The following NME9 variants were observed in gnomAD, a reference collection of about 807,000 sequenced individuals.
The protein encoded by NME9 is NME/NM23 family member 9.
NME9 carries 48 observed loss-of-function variants against 44.4 expected under a neutral mutation model. That is an observed-to-expected ratio of 1.08 (90% confidence interval 0.86 to 1.37). The LOEUF is 1.37. NME9 is among the 40% of genes most tolerant of loss of function. NME9 has a pLI of 0.00. For synonymous variants in NME9, 139 were observed against 147.1 expected, an observed-to-expected ratio of 0.94 and a Z score of 0.40; for missense variants, 325 against 405.2, an observed-to-expected ratio of 0.80 and a Z score of 1.70.
chr3:138,274,672 G>T, intron 8 of NME9: 1 of 668,312 alleles, frequency 1.5e-6, no homozygotes. Flanking sequence ...CTAGAAATAG[G>T]AAGAAATATC....
At chr3:138,274,503 C>G in intron 8 of NME9, 2 of 1,613,304 alleles carry the variant, frequency 1.2e-6, no homozygotes, top group Non-Finnish European at 1.7e-6. Context: ...AGCCGTCACT[C>G]TTATTCTAGA....
chr3:138,263,656 G>A, intron 8 of NME9: 2 of 1,172,164 alleles, frequency 1.7e-6, no homozygotes, highest in Non-Finnish European at 1.3e-6. Context: ...ACTTTTAATG[G>A]ATGTTAACAT....
At chr3:138,320,701 A>T (rs2053411751) in intron 2 of NME9, among the ~76,000 whole-genome samples, 1 of 152,208 alleles carries the variant, frequency 6.6e-6, no homozygotes, top group East Asian at 1.9e-4. Flanking sequence ...CATTGTAGAG[A>T]GCCCAGGCTT....
chr3:138,275,197 C>T (rs997720569), intron 8 of NME9, among the ~76,000 whole-genome samples: 19 of 152,100 alleles, frequency 1.2e-4, no homozygotes, highest in Admixed American at 1.2e-3. Flanking sequence ...AACACAGGAC[C>T]AGAGATACTG....
intron 8 of NME9, among the ~76,000 whole-genome samples, chr3:138,264,710 G>A (rs1428025115): frequency 6.6e-6 from 1 of 151,762 alleles, no homozygotes; most frequent in East Asian, 1.9e-4. Context: ...GAGCCACTGC[G>A]CCCAGCCAGG....
chr3:138,300,524 G>A (rs764325986), downstream of NME9, among the ~76,000 whole-genome samples: 10 of 152,274 alleles, frequency 6.6e-5, no homozygotes, highest in African/African-American at 1.9e-4. Context: ...AAATAAAGTC[G>A]TTAGAGGGGG....
Position 138,329,806 on chromosome 3 carries a change from G to T in NME9, c.-471C>A. On this transcript the variant is annotated 5_prime_UTR_variant, in exon 1 of 11. Coordinates refer to ENST00000333911, the MANE Select transcript of NME9 (RefSeq NM_001349018.2). ...AGGTACAAGATCTTCGACGCGCCCG[G>T]AGTCACCAACCGAGTCTGCCGCGAC... 7 of 987,208 alleles carry T rather than the reference G, an allele frequency of 7.1e-6. No individual in the cohort carries two copies. Among genetic ancestry groups the T allele is most frequent in the Non-Finnish European group, 8.4e-6 (7 of 831,174 alleles). The allele number at this position is 987,208 out of a possible 1,614,324, so 61.2% of individuals were successfully genotyped here. A position where few individuals can be genotyped will look rare whatever the true frequency, so the allele number is the denominator to read the frequency against.
intron 6 of NME9, among the ~76,000 whole-genome samples, chr3:138,307,222 C>T (rs2052338149): frequency 6.6e-6 from 1 of 152,206 alleles, no homozygotes; most frequent in Admixed American, 6.5e-5. Flanking sequence ...ATTGACTGCC[C>T]TTGAATAAGC....
chr3:138,305,248 A>G (rs765570731), intron 8 of NME9, among the ~76,000 whole-genome samples: 14 of 152,112 alleles, frequency 9.2e-5, no homozygotes, highest in Non-Finnish European at 1.5e-4. Context: ...GACCTACCAC[A>G]CTCAGAACTC....
intron 8 of NME9, chr3:138,267,268 CTT>C (rs760808810): frequency 3.6e-6 from 5 of 1,383,106 alleles, no homozygotes; most frequent in Non-Finnish European, 5.0e-6. Context: ...TTTTCCTAGA[CTT>C]TGCCCAGTCC....
At chr3:138,277,138 G>A (rs181126505) in intron 8 of NME9, among the ~76,000 whole-genome samples, 10 of 152,274 alleles carry the variant, frequency 6.6e-5, no homozygotes, top group Admixed American at 6.5e-4. Context: ...TATATGGCCA[G>A]TAGATTATTG....
chr3:138,314,036 C>G (rs1436184203), intron 6 of NME9, among the ~76,000 whole-genome samples: 2 of 151,964 alleles, frequency 1.3e-5, no homozygotes, highest in Non-Finnish European at 2.9e-5. Context: ...TTGTACATTT[C>G]AAAATAGCTA....
intron 8 of NME9, chr3:138,273,176 T>C: frequency 6.7e-7 from 1 of 1,501,918 alleles, no homozygotes; most frequent in Non-Finnish European, 9.0e-7. Flanking sequence ...TGCAAGACAT[T>C]GCTCTCTCTC....
chr3:138,297,290 C>T (rs1250658221), downstream of NME9: 7 of 152,184 alleles, frequency 4.6e-5, no homozygotes, highest in East Asian at 1.3e-3. Flanking sequence ...TAGCTTGGCC[C>T]CTGCTCCAAC....
downstream of NME9, among the ~76,000 whole-genome samples, chr3:138,299,084 G>A (rs925723209): frequency 4.6e-5 from 7 of 152,322 alleles, no homozygotes; most frequent in African/African-American, 7.2e-5. Flanking sequence ...CTGACAGAAC[G>A]GTTCCAATTT....
intron 1 of NME9, among the ~76,000 whole-genome samples, 188 bp from the exon 2 acceptor site, chr3:138,325,118 C>T (rs1195001939): frequency 6.6e-6 from 1 of 152,172 alleles, no homozygotes; most frequent in East Asian, 1.9e-4. Context: ...AAAACACTAT[C>T]CTAAGAATGA....
intron 8 of NME9, chr3:138,267,004 CACA>C (rs2048346450): frequency 2.1e-6 from 1 of 481,970 alleles, no homozygotes; most frequent in Non-Finnish European, 3.6e-6. Flanking sequence ...AAAAGTTTGA[CACA>C]GTATCAAGTG....
chr3:138,329,627 G>T lies in NME9; in HGVS notation c.-292C>A. Reference sequence around the variant, plus strand: ...TCCCCACCCCGGAGCCGGCCAGGGGGCGCGCGCAGAGGCCGGAGTCAGTGC... The same window carrying T: ...TCCCCACCCCGGAGCCGGCCAGGGGTCGCGCGCAGAGGCCGGAGTCAGTGC... On this transcript the variant is annotated 5_prime_UTR_variant, in exon 1 of 11. Coordinates refer to ENST00000333911, the MANE Select transcript of NME9 (RefSeq NM_001349018.2). 1 of 1,290,974 alleles carries T rather than the reference G, an allele frequency of 7.7e-7. No individual in the cohort carries two copies. 80.0% of individuals were successfully genotyped at this position (1,290,974 alleles called of 1,614,324 possible). A position where few individuals can be genotyped will look rare whatever the true frequency, so the allele number is the denominator to read the frequency against.
chr3:138,311,544 A>C (rs1323919091), intron 6 of NME9, among the ~76,000 whole-genome samples: 1 of 152,206 alleles, frequency 6.6e-6, no homozygotes, highest in Admixed American at 6.5e-5. Context: ...ATCATTCACT[A>C]TGTGGGATTC....
Sources: gnomAD v4.1 joint callset for allele counts (sites outside exome capture counted in the v4.1 genomes callset) on GRCh38, gnomAD v4.1.1 for gene constraint, MANE v1.5 for transcripts, NCBI Gene and HGNC (gene_info 2026-07-23, HGNC 2026-07-21) for gene names.